The following RABEP2 variants were observed in gnomAD, a reference collection of about 807,000 sequenced individuals.
RABEP2 encodes the protein rabaptin, RAB GTPase binding effector protein 2.
Under a neutral mutation model 74.1 loss-of-function variants are expected in RABEP2, and 57 were observed. That is an observed-to-expected ratio of 0.77 (90% CI 0.62 to 0.96). The LOEUF (loss-of-function observed/expected upper bound fraction) is 0.96, where lower values mean the gene tolerates loss of function less well. RABEP2 is among the 40% of genes least tolerant of loss of function. The probability of loss-of-function intolerance (pLI) is 0.00; values close to 1 mark genes in which losing one functional copy is unlikely to be tolerated. For missense variants in RABEP2, 692 were observed against 756.3 expected (o/e 0.91, Z 1.00); for synonymous variants, 351 against 344.0 (o/e 1.02, Z -0.23).
In RABEP2 at chr16:28,921,308, T is replaced by C. The variant is rs540924876; in HGVS notation, c.275-1365A>G. ...CTGTGGCAATAGTTAGGATGCAGTA[T>C]GGGAAGAGGTACAGGAGAGGACCCT... is the stretch of plus-strand genomic sequence containing the variant. On this transcript the variant is annotated intron_variant, in intron 2 of 12. Transcript: ENST00000358201. The C allele has an allele frequency of 8.8e-6, 4 of 453,424 alleles. No individual in the cohort carries two copies. In the East Asian group the frequency reaches 2.1e-4, roughly 24 times the overall value. The allele number at this position is 453,424 out of a possible 1,614,324, so 28.1% of individuals were successfully genotyped here.
At chr16:28,921,647 AT>A (rs56325875) in intron 2 of RABEP2, among the ~76,000 whole-genome samples, 20,386 of 113,102 alleles carry the variant, frequency 0.18, 1,930 homozygotes, top group Middle Eastern at 0.26. Flanking sequence ...TAGAACATAG[AT>A]TTTTTTTTTT....
At chr16:28,907,159 TTTG>T (rs1425574245) in intron 8 of RABEP2, among the ~76,000 whole-genome samples, 2 of 84,560 alleles carry the variant, frequency 2.4e-5, no homozygotes, top group Admixed American at 1.1e-4. Flanking sequence ...GTTTTTTGCC[TTTG>T]TTTTTTTTTT....
intron 3 of RABEP2, among the ~76,000 whole-genome samples, chr16:28,915,632 C>T (rs1964382015): frequency 1.3e-5 from 2 of 152,006 alleles, no homozygotes; most frequent in African/African-American, 4.8e-5. Flanking sequence ...GCAACCTCCG[C>T]CTCCTGGGTT....
At chr16:28,924,225 A>G (rs1964503397) in intron 2 of RABEP2, 178 bp downstream of exon 2, 1 of 608,618 alleles carries the variant, frequency 1.6e-6, no homozygotes, top group African/African-American at 1.9e-5. Context: ...CTGCTATCAC[A>G]TGGAGGGCCT....
At chr16:28,923,874 G>A (rs1177841760) in intron 2 of RABEP2, among the ~76,000 whole-genome samples, 3 of 152,166 alleles carry the variant, frequency 2.0e-5, no homozygotes, top group South Asian at 4.1e-4. Context: ...TTCTGCTAGA[G>A]GAAGGAGAGT....
intron 3 of RABEP2, among the ~76,000 whole-genome samples, chr16:28,919,022 G>T (rs377527960): frequency 6.6e-6 from 1 of 152,116 alleles, no homozygotes; most frequent in Non-Finnish European, 1.5e-5. Flanking sequence ...TTCTATGTGC[G>T]TAAACAGGGG....
In RABEP2 at chr16:28,908,719, G is replaced by A. The variant is rs759826083; in HGVS notation, c.1135C>T (p.Arg379Trp). The change falls in exon 8 of 13, where the codon CGG becomes TGG. Residue 379 changes from arginine (R) to tryptophan (W), a missense_variant. Coordinates refer to ENST00000358201, the MANE Select transcript of RABEP2 (RefSeq NM_024816.3). ...AGCCCTTGGTTTTCCTCATTCAACC[G>A]CTTTACCTCATGGTGCAGGCACTTG... The part of the protein sequence containing the change: ...THKCLHHEVK[R>W]LNEENQGLRA... 1.3e-5 allele frequency: 21 copies of A among 1,614,072 alleles called. No homozygotes were observed. The highest frequency in any genetic ancestry group is 4.4e-5 in the South Asian group (4 of 91,086).
rs532725524 is a variant in RABEP2, at chr16:28,925,223, G to A, written c.-60C>T. 3 of 1,496,746 alleles carry A rather than the reference G, an allele frequency of 2.0e-6. No individual in the cohort carries two copies. The South Asian group carries it at 3.8e-5, about 19-fold the overall frequency. The allele number at this position is 1,496,746 out of a possible 1,614,324, so 92.7% of individuals were successfully genotyped here. A position where few individuals can be genotyped will look rare whatever the true frequency, so the allele number is the denominator to read the frequency against. ...TGGTGACGGAGCGCACCGCTTCCGG[G>A]TCCTCTCGGCTGTTTCCGGATCCGC... On this transcript the variant is annotated 5_prime_UTR_variant, in exon 1 of 13. Transcript: ENST00000358201.
intron 7 of RABEP2, among the ~76,000 whole-genome samples, chr16:28,909,344 T>C (rs533925194): frequency 6.6e-6 from 1 of 152,236 alleles, no homozygotes; most frequent in Non-Finnish European, 1.5e-5. Flanking sequence ...CCCAAAGTGC[T>C]GGGATTACAG....
In RABEP2 at chr16:28,904,903, G is replaced by A; in HGVS notation, c.*40C>T. 1 of 1,474,300 alleles carries A rather than the reference G, an allele frequency of 6.8e-7. No individual in the cohort carries two copies. 91.3% of individuals were successfully genotyped at this position (1,474,300 alleles called of 1,614,324 possible). A position where few individuals can be genotyped will look rare whatever the true frequency, so the allele number is the denominator to read the frequency against. ...GCCTCATGGTTCAGGAGTGGGGAAA[G>A]GCGTCTTTCCCAGGGTGGGGGTGGG... On this transcript the variant is annotated 3_prime_UTR_variant, in exon 13 of 13. Coordinates refer to ENST00000358201, the MANE Select transcript of RABEP2 (RefSeq NM_024816.3).
intron 12 of RABEP2, 140 bp downstream of exon 12, chr16:28,905,257 G>A: frequency 1.4e-6 from 1 of 708,524 alleles, no homozygotes; most frequent in Admixed American, 2.6e-5. Context: ...AGGGTTTTTT[G>A]AGTAACAGCT....
intron 12 of RABEP2, 111 bp from the exon 13 acceptor site, chr16:28,905,155 T>C: frequency 8.1e-6 from 7 of 865,876 alleles, no homozygotes; most frequent in Non-Finnish European, 1.2e-5. Context: ...AGGGGCCACC[T>C]CTAGGGGGCT....
intron 1 of RABEP2, 149 bp from the exon 2 acceptor site, chr16:28,924,764 G>T: frequency 2.5e-5 from 7 of 276,028 alleles, no homozygotes; most frequent in Admixed American, 1.0e-4. Flanking sequence ...CCCCTGCCCC[G>T]CCCCCTTCCC....
rs1366931688 is a variant in RABEP2, at chr16:28,905,855, G to A, written c.1435+12C>T. 6.2e-6 allele frequency: 10 copies of A among 1,613,892 alleles called. No individual in the cohort carries two copies. The highest frequency in any genetic ancestry group is 8.5e-6 in the Non-Finnish European group (10 of 1,180,014). On this transcript the variant is annotated intron_variant, in intron 10 of 12. Transcript: ENST00000358201. ...TGGGCGATCCCCAAGATCACCTCCA[G>A]CACACACTCACCCTCCAGCACCTCT...
chr16:28,916,120 T>C (rs1964389478), intron 3 of RABEP2: 1 of 151,756 alleles, frequency 6.6e-6, no homozygotes, highest in Admixed American at 6.6e-5. Context: ...CCTCCCAAAG[T>C]GCTAGGATTA....
At chr16:28,908,496 T>A in intron 8 of RABEP2, 113 bp downstream of exon 8, 1 of 1,173,556 alleles carries the variant, frequency 8.5e-7, no homozygotes, top group Non-Finnish European at 1.2e-6. Context: ...GGCAAATGAG[T>A]TAGCCAAGCA....
intron 1 of RABEP2, 181 bp downstream of exon 1, chr16:28,924,922 C>A (rs750214730): frequency 7.5e-5 from 64 of 850,512 alleles, no homozygotes; most frequent in Non-Finnish European, 1.1e-4. Context: ...ACTGGCCCTA[C>A]CCCTTCAATG....
chr16:28,919,997 C>T, intron 2 of RABEP2, 54 bp from the exon 3 acceptor site: 2 of 1,506,582 alleles, frequency 1.3e-6, no homozygotes, highest in Non-Finnish European at 1.8e-6. Context: ...GCCAGCCCTG[C>T]CTGTGGGCGA....
intron 1 of RABEP2, 57 bp from the exon 2 acceptor site, chr16:28,924,672 G>T: frequency 1.3e-6 from 2 of 1,504,998 alleles, no homozygotes; most frequent in Non-Finnish European, 1.8e-6. Context: ...CCACCTACCG[G>T]CTTAGCAAGT....
Sources: allele counts gnomAD v4.1 joint callset (sites outside exome capture counted in the v4.1 genomes callset), GRCh38; gene constraint gnomAD v4.1.1; transcripts MANE v1.5; gene names NCBI Gene and HGNC (gene_info 2026-07-23, HGNC 2026-07-21).